Variants in SMARCD3 observed in about 807,000 individuals in gnomAD.
SMARCD3 encodes the protein SWI/SNF-related matrix-associated actin-dependent regulator of chromatin subfamily D member 3.
SMARCD3 carries 14 observed loss-of-function variants against 58.0 expected under a neutral mutation model. That is an observed-to-expected ratio of 0.24 (90% CI 0.16 to 0.38). The LOEUF (loss-of-function observed/expected upper bound fraction) is 0.38, where lower values mean the gene tolerates loss of function less well. Among genes scored for constraint, SMARCD3 ranks in the 10% least tolerant of loss-of-function variants. SMARCD3 has a pLI of 1.00. For synonymous variants in SMARCD3, 253 were observed against 253.8 expected, an observed-to-expected ratio of 1.00 and a Z score of 0.03; for missense variants, 408 against 636.9, an observed-to-expected ratio of 0.64 and a Z score of 3.87.
upstream of SMARCD3, among the ~76,000 whole-genome samples, chr7:151,250,233 A>T (rs1299491135): frequency 3.9e-5 from 6 of 152,008 alleles, no homozygotes; most frequent in Non-Finnish European, 7.4e-5. Context: ...CAGGGAGGAC[A>T]TCTGGTCCAG....
At chr7:151,262,708 C>T (rs1475212535) in intron 2 of SMARCD3, among the ~76,000 whole-genome samples, 1 of 152,174 alleles carries the variant, frequency 6.6e-6, no homozygotes, top group East Asian at 1.9e-4. Flanking sequence ...CAGGGTGGGG[C>T]AGGGCTACCC....
upstream of SMARCD3, among the ~76,000 whole-genome samples, chr7:151,252,491 A>G (rs1180395163): frequency 5.3e-5 from 8 of 151,970 alleles, no homozygotes; most frequent in African/African-American, 1.9e-4. Flanking sequence ...AGAGAGAAAG[A>G]AAGAGAGAGG....
intron 2 of SMARCD3, among the ~76,000 whole-genome samples, chr7:151,264,624 C>G (rs1024072133): frequency 2.6e-5 from 4 of 152,178 alleles, no homozygotes; most frequent in African/African-American, 9.7e-5. Context: ...AACTCCTCAG[C>G]AGGCCACCTC....
intron 2 of SMARCD3, among the ~76,000 whole-genome samples, chr7:151,263,388 C>T (rs1239335432): frequency 6.6e-6 from 1 of 152,090 alleles, no homozygotes; most frequent in Non-Finnish European, 1.5e-5. Context: ...CATGTGTCCA[C>T]CAAGGCCCTA....
chr7:151,263,323 C>A (rs891617044), intron 2 of SMARCD3, among the ~76,000 whole-genome samples: 3 of 151,996 alleles, frequency 2.0e-5, no homozygotes, highest in African/African-American at 7.3e-5. Flanking sequence ...GCTGTAACCA[C>A]AACTTCAAAC....
chr7:151,250,637 G>T (rs1584879738), upstream of SMARCD3, among the ~76,000 whole-genome samples: 1 of 151,900 alleles, frequency 6.6e-6, no homozygotes, highest in Non-Finnish European at 1.5e-5. Context: ...TGTATGCAAA[G>T]ATTTTTCTCT....
At chr7:151,247,276 G>T (rs555744845) in intron 1 of SMARCD3, among the ~76,000 whole-genome samples, 45 of 152,056 alleles carry the variant, frequency 3.0e-4, no homozygotes, top group Non-Finnish European at 5.4e-4. Context: ...CACTAGATGG[G>T]CCTTTTTAAA....
At position 151,239,379 on chromosome 7, in the gene SMARCD3, C is replaced by A; in HGVS notation, c.1398+17G>T. 6.3e-7 allele frequency: 1 copy of A among 1,598,034 alleles called. No homozygotes were observed. The highest frequency in any genetic ancestry group is 8.6e-7 in the Non-Finnish European group (1 of 1,165,892). On this transcript the variant is annotated intron_variant, in intron 12 of 12. Transcript: ENST00000262188. The surrounding 1 kb of genome is among the most constrained non-coding windows in gnomAD (Gnocchi z 7.0). ...AGTTGAGGATGGGGAAGCCTCAGGG[C>A]AAGGGTCCCTGCATACCTTGCAGTA...
At position 151,260,624 on chromosome 7, in the gene SMARCD3, G is replaced by A. The variant is rs149464015; in HGVS notation, c.39+14490C>T. On this transcript the variant is annotated intron_variant, in intron 2 of 13. Coordinates refer to the SMARCD3 transcript ENST00000356800. ...GAATCCCATGGTGACACGCCACCCC[G>A]CCCCCTACCTGGACCTCAGTCGGCT... 6.6e-3 allele frequency among the ~76,000 whole-genome samples: 1,008 copies of A among 152,158 alleles called. 6 individuals are homozygous for A. Among genetic ancestry groups the A allele is most frequent in the African/African-American group, 0.022 (930 of 41,520 alleles).
Position 151,239,111 on chromosome 7 carries a change from T to TG in SMARCD3, c.1443dup (p.Asn482GlnfsTer8), listed in dbSNP as rs1242586525. On this transcript the variant is annotated frameshift_variant, in exon 13 of 13. Coordinates refer to ENST00000262188, the MANE Select transcript of SMARCD3 (RefSeq NM_001003801.2). LOFTEE classifies it high-confidence loss of function. The surrounding 1 kb of genome is among the most constrained non-coding windows in gnomAD (Gnocchi z 7.0). ...TGCTTATTTTTGGGCTCCTAGGTGT[T>TG]GCGCACAACCAGCGACTGCTCCAGC... is the stretch of plus-strand genomic sequence containing the variant. 6.2e-7 allele frequency: 1 copy of TG among 1,614,172 alleles called. No individual in the cohort carries two copies. Among genetic ancestry groups the TG allele is most frequent in the South Asian group, 1.1e-5 (1 of 91,088 alleles).
chr7:151,241,735 A>G lies in SMARCD3; in HGVS notation c.778-82T>C. On this transcript the variant is annotated intron_variant, in intron 7 of 12. Transcript: ENST00000262188. The surrounding 1 kb of genome is among the most constrained non-coding windows in gnomAD (Gnocchi z 5.3). Reference sequence around the variant, plus strand: ...GGCCAGGCCATTCAGGACTAGGGGGATGTGTTGATTGAGGAAACATGCCCC... The same window carrying G: ...GGCCAGGCCATTCAGGACTAGGGGGGTGTGTTGATTGAGGAAACATGCCCC... 7.0e-7 allele frequency: 1 copy of G among 1,431,528 alleles called. No individual in the cohort carries two copies. Among genetic ancestry groups the G allele is most frequent in the Non-Finnish European group, 9.7e-7 (1 of 1,032,172 alleles). The allele number at this position is 1,431,528 out of a possible 1,614,324, so 88.7% of individuals were successfully genotyped here.
rs1469302125 is a variant in SMARCD3, at chr7:151,275,905, T to A, written c.-99-654A>T. Among the ~76,000 whole-genome samples, 24 of 151,102 alleles carry A rather than the reference T, an allele frequency of 1.6e-4. 1 individual carries two copies. The highest frequency in any genetic ancestry group is 1.6e-3 in the Admixed American group (24 of 15,178). Reference sequence around the variant, plus strand: ...AGAGAGCAGTGCTGTAGGAGCGGGGTGTGGGTGACAGAGGTGGGGCTTGGG... The same window carrying A: ...AGAGAGCAGTGCTGTAGGAGCGGGGAGTGGGTGACAGAGGTGGGGCTTGGG... On this transcript the variant is annotated intron_variant, in intron 1 of 13. Coordinates refer to the SMARCD3 transcript ENST00000356800.
intron 1 of SMARCD3, among the ~76,000 whole-genome samples, chr7:151,247,223 G>A (rs1212782394): frequency 6.6e-6 from 1 of 152,120 alleles, no homozygotes; most frequent in African/African-American, 2.4e-5. Flanking sequence ...GAAGCTGTAA[G>A]TTGACCAGAT....
In SMARCD3 at chr7:151,240,410, C is replaced by A; in HGVS notation, c.1037+15G>T. On this transcript the variant is annotated intron_variant, in intron 9 of 12. Transcript: ENST00000262188. ...ATCATTCCCTGGTCTGAGAAGCAAG[C>A]TGGGGCCACCTCACCTGATGACATG... is the stretch of plus-strand genomic sequence containing the variant. 6.2e-7 allele frequency: 1 copy of A among 1,609,628 alleles called. No homozygotes were observed. The highest frequency in any genetic ancestry group is 8.5e-7 in the Non-Finnish European group (1 of 1,176,340).
chr7:151,248,533 C>A lies in SMARCD3; in HGVS notation c.30G>T (p.Ala10=). The change falls in exon 1 of 13, where the codon GCG becomes GCT. Residue 10 remains alanine, a synonymous_variant. Coordinates refer to ENST00000262188, the MANE Select transcript of SMARCD3 (RefSeq NM_001003801.2). The surrounding 1 kb of genome is among the most constrained non-coding windows in gnomAD (Gnocchi z 6.1). ...AAAGTTTGCTTTTCGTGGCTTTGCGCGCCCCTCCGGCAACTTCGTCCGCGG... is the reference window on the plus strand; with the variant it reads ...AAAGTTTGCTTTTCGTGGCTTTGCGAGCCCCTCCGGCAACTTCGTCCGCGG... The part of the protein sequence containing the change: MAADEVAGG[A]RKATKSKLFE... 1 of 1,613,758 alleles carries A rather than the reference C, an allele frequency of 6.2e-7. No homozygotes were observed. Among genetic ancestry groups the A allele is most frequent in the Admixed American group, 1.7e-5 (1 of 60,006 alleles).
At chr7:151,263,935 C>T (rs966437587) in intron 2 of SMARCD3, among the ~76,000 whole-genome samples, 7 of 152,206 alleles carry the variant, frequency 4.6e-5, no homozygotes, top group African/African-American at 1.7e-4. Context: ...TTCAGCTCCA[C>T]CAGTCCCTAT....
rs1046366040 is a variant in SMARCD3, at chr7:151,239,825, G to A, written c.1174-79C>T. 2.8e-6 allele frequency: 4 copies of A among 1,436,838 alleles called. No individual in the cohort carries two copies. The South Asian group carries it at 4.7e-5, about 17-fold the overall frequency. The allele number at this position is 1,436,838 out of a possible 1,614,324, so 89.0% of individuals were successfully genotyped here. On this transcript the variant is annotated intron_variant, in intron 10 of 12. Transcript: ENST00000262188. The surrounding 1 kb of genome is among the most constrained non-coding windows in gnomAD (Gnocchi z 7.0). ...AGGGGAAAGGAAGCGGGTGGGAAGG[G>A]GAGGGAGAGGGGGTTTCTTCTGTGA...
rs753059646 is a variant in SMARCD3, at chr7:151,241,498, G to A, written c.933C>T (p.Phe311=). 1 of 1,611,970 alleles carries A rather than the reference G, an allele frequency of 6.2e-7. No homozygotes were observed. Among genetic ancestry groups the A allele is most frequent in the East Asian group, 2.2e-5 (1 of 44,856 alleles). Residue 311 remains phenylalanine (F), a synonymous_variant, in exon 8 of 13, where the codon TTC becomes TTT. Coordinates refer to ENST00000262188, the MANE Select transcript of SMARCD3 (RefSeq NM_001003801.2). This position sits in a 1 kb window ranked among gnomAD's most constrained non-coding sequence, Gnocchi z 5.3. ...GGTTCAGGAGAGAGGTTACCTGCTGGAAATACTTGTCCCCATTGATGTATT... is the reference window on the plus strand; with the variant it reads ...GGTTCAGGAGAGAGGTTACCTGCTGAAAATACTTGTCCCCATTGATGTATT... The part of the protein sequence containing the change: ...DKEYINGDKY[F]QQIFDCPRLK...
intron 2 of SMARCD3, among the ~76,000 whole-genome samples, chr7:151,259,684 A>G (rs1253334359): frequency 2.3e-5 from 3 of 129,858 alleles, no homozygotes; most frequent in Non-Finnish European, 4.6e-5. Context: ...ATCTTGGCTC[A>G]CTGCAACCTC....
Sources: allele counts gnomAD v4.1 joint callset (sites outside exome capture counted in the v4.1 genomes callset), GRCh38; gene constraint gnomAD v4.1.1; non-coding constraint Gnocchi (gnomAD v3.1); transcripts MANE v1.5; gene names NCBI Gene and HGNC (gene_info 2026-07-23, HGNC 2026-07-21).